ANKAR: variants seen among roughly 807,000 people sequenced by gnomAD.
ANKAR encodes ankyrin and armadillo repeat-containing protein.
Under a neutral mutation model 146.2 loss-of-function variants are expected in ANKAR, and 136 were observed. The observed-to-expected ratio is 0.93, with a 90% CI of 0.81 to 1.07. The LOEUF (loss-of-function observed/expected upper bound fraction) is 1.07. Among genes scored for constraint, ANKAR ranks in the 50% least tolerant of loss-of-function variants. The pLI, the probability that ANKAR is intolerant of heterozygous loss-of-function variation, is 0.00. For missense variants in ANKAR, 1,567 were observed against 1,679.9 expected, an observed-to-expected ratio of 0.93 and a Z score of 1.18; for synonymous variants, 500 against 575.8, an observed-to-expected ratio of 0.87 and a Z score of 1.88.
At chr2:189,755,580 C>G (rs1281359607) in intron 18 of ANKAR, 1 of 1,571,314 alleles carries the variant, frequency 6.4e-7, no homozygotes, top group Non-Finnish European at 8.6e-7. Context: ...AGAAAGACAG[C>G]ATTTTGTAGT....
At chr2:189,739,621 T>C (rs2043148388) in intron 19 of ANKAR, among the ~76,000 whole-genome samples, 1 of 151,656 alleles carries the variant, frequency 6.6e-6, no homozygotes, top group Non-Finnish European at 1.5e-5. Context: ...TGGAGTGCAG[T>C]GGTGCGATCT....
chr2:189,761,457 CCAACA>C (rs764127110), downstream of ANKAR: 10 of 1,611,682 alleles, frequency 6.2e-6, no homozygotes, highest in Non-Finnish European at 8.5e-6. Flanking sequence ...ATTGCTTCTC[CCAACA>C]CATTTCCAGT....
At chr2:189,761,638 C>T, downstream of ANKAR, 1 of 1,580,796 alleles carries the variant, frequency 6.3e-7, no homozygotes, top group Non-Finnish European at 8.6e-7. Flanking sequence ...TCAAGATTAG[C>T]ATACTTACTC....
chr2:189,731,374 TTC>T (rs1404547331), intron 16 of ANKAR, among the ~76,000 whole-genome samples: 1 of 27,668 alleles, frequency 3.6e-5, no homozygotes, highest in Non-Finnish European at 7.4e-5. Context: ...TTTTTCTTTT[TTC>T]TTTTTTTTTT....
chr2:189,675,791 G>A (rs546859394), intron 1 of ANKAR, among the ~76,000 whole-genome samples: 28 of 152,220 alleles, frequency 1.8e-4, no homozygotes, highest in Non-Finnish European at 3.5e-4. Context: ...GGCTTGGTGC[G>A]AGGTGTTTGG....
chr2:189,690,838 A>G (rs2036280362), intron 3 of ANKAR, among the ~76,000 whole-genome samples: 1 of 152,188 alleles, frequency 6.6e-6, no homozygotes, highest in Admixed American at 6.5e-5. Flanking sequence ...CGTTAACTAT[A>G]TCTGCAATAT....
chr2:189,761,439 G>A, downstream of ANKAR: 2 of 1,602,886 alleles, frequency 1.2e-6, no homozygotes, highest in Non-Finnish European at 1.7e-6. Flanking sequence ...ACTTCAGTTT[G>A]GGAATGTATT....
At chr2:189,752,589 G>A in intron 18 of ANKAR, 2 of 1,538,730 alleles carry the variant, frequency 1.3e-6, no homozygotes, top group South Asian at 2.3e-5. Context: ...ATATATAAAG[G>A]CAAAATCCAG....
At chr2:189,746,728 G>A, downstream of ANKAR, 1 of 1,278,630 alleles carries the variant, frequency 7.8e-7, no homozygotes, top group Non-Finnish European at 1.0e-6. Context: ...TAATCTTTTT[G>A]AATGAAAGTT....
intron 2 of ANKAR, among the ~76,000 whole-genome samples, chr2:189,680,114 A>G (rs2034422237): frequency 6.6e-6 from 1 of 151,982 alleles, no homozygotes. Context: ...TATTGTTTCA[A>G]GCTCTCTACT....
intron 10 of ANKAR, among the ~76,000 whole-genome samples, chr2:189,718,359 GACACACACAC>G (rs66795152): frequency 4.2e-4 from 64 of 151,146 alleles, no homozygotes; most frequent in African/African-American, 8.3e-4. Flanking sequence ...TCTACACACA[GACACACACAC>G]ACACACACAC....
chr2:189,735,974 G>A (rs2042802461), intron 17 of ANKAR, among the ~76,000 whole-genome samples: 1 of 152,158 alleles, frequency 6.6e-6, no homozygotes, highest in South Asian at 2.1e-4. Context: ...AGTAACCAGT[G>A]GGTATAACCA....
At chr2:189,749,274 T>G (rs2044706308), downstream of ANKAR, among the ~76,000 whole-genome samples, 1 of 112,146 alleles carries the variant, frequency 8.9e-6, no homozygotes, top group Non-Finnish European at 1.7e-5. Context: ...AAAAGATTAT[T>G]TTTATTACTC....
chr2:189,742,445 T>C (rs911366820), intron 20 of ANKAR, among the ~76,000 whole-genome samples: 5 of 152,198 alleles, frequency 3.3e-5, no homozygotes, highest in Admixed American at 2.0e-4. Context: ...GGGTATTTTC[T>C]TCAAAGAACT....
chr2:189,728,515 G>A, intron 14 of ANKAR, 95 bp downstream of exon 14: 1 of 1,469,146 alleles, frequency 6.8e-7, no homozygotes, highest in Non-Finnish European at 9.2e-7. Context: ...ATAGCTCACT[G>A]CAGCCTCAAA....
chr2:189,697,316 T>G (rs1483744059), intron 7 of ANKAR, among the ~76,000 whole-genome samples: 1 of 152,054 alleles, frequency 6.6e-6, no homozygotes, highest in Non-Finnish European at 1.5e-5. Context: ...GGAAGATTGC[T>G]TGAGCCCAGG....
intron 10 of ANKAR, among the ~76,000 whole-genome samples, chr2:189,715,872 T>G (rs2040396026): frequency 6.6e-6 from 1 of 152,178 alleles, no homozygotes; most frequent in Non-Finnish European, 1.5e-5. Flanking sequence ...GAAAAGGCCT[T>G]TGACAAAATT....
chr2:189,674,987 C>T (rs1181087856), intron 1 of ANKAR, among the ~76,000 whole-genome samples, 157 bp downstream of exon 1: 1 of 152,066 alleles, frequency 6.6e-6, no homozygotes, highest in African/African-American at 2.4e-5. Flanking sequence ...TCCTGGTCTC[C>T]GTTTTTGCCT....
intron 17 of ANKAR, among the ~76,000 whole-genome samples, chr2:189,735,154 C>T (rs2042736505): frequency 6.6e-6 from 1 of 152,028 alleles, no homozygotes; most frequent in South Asian, 2.1e-4. Context: ...TCCTCATGTG[C>T]ACCCTTCTTC....
Sources: gnomAD v4.1 joint callset for allele counts (sites outside exome capture counted in the v4.1 genomes callset) on GRCh38, gnomAD v4.1.1 for gene constraint, MANE v1.5 for transcripts, NCBI Gene and HGNC (gene_info 2026-07-23, HGNC 2026-07-21) for gene names.